The following ALCAM variants were observed in gnomAD, a reference collection of about 807,000 sequenced individuals.
The protein encoded by ALCAM is activated leukocyte cell adhesion molecule.
A neutral mutation model predicts 70.9 loss-of-function variants in ALCAM; 30 were observed. The observed-to-expected ratio is 0.42, with a 90% CI of 0.32 to 0.57. ALCAM has a LOEUF of 0.57. ALCAM is among the 20% of genes least tolerant of loss of function. The pLI is 0.11. For synonymous variants in ALCAM, 249 were observed against 242.5 expected, an observed-to-expected ratio of 1.03 and a Z score of -0.25; for missense variants, 591 against 695.1, an observed-to-expected ratio of 0.85 and a Z score of 1.68.
At chr3:105,374,812 C>T (rs926884390) in intron 1 of ALCAM, among the ~76,000 whole-genome samples, 3 of 152,128 alleles carry the variant, frequency 2.0e-5, no homozygotes, top group South Asian at 2.1e-4. Flanking sequence ...GCCACTGCAC[C>T]GAGCCCAATG....
chr3:105,561,997 A>C (rs1236984678), intron 14 of ALCAM, among the ~76,000 whole-genome samples: 2 of 152,202 alleles, frequency 1.3e-5, no homozygotes, highest in African/African-American at 2.4e-5. Context: ...GGTTGAACTT[A>C]ACCTCCAGCC....
At chr3:105,408,049 A>T (rs1936293760) in intron 1 of ALCAM, among the ~76,000 whole-genome samples, 1 of 152,142 alleles carries the variant, frequency 6.6e-6, no homozygotes, top group African/African-American at 2.4e-5. Flanking sequence ...CACTGCTGAA[A>T]GAAATAATAC....
intron 1 of ALCAM, among the ~76,000 whole-genome samples, chr3:105,484,954 G>A (rs868332907): frequency 6.6e-6 from 1 of 151,656 alleles, no homozygotes; most frequent in South Asian, 2.1e-4. Flanking sequence ...TTTTTTTGGT[G>A]GGGGATAGGA....
intron 1 of ALCAM, among the ~76,000 whole-genome samples, chr3:105,381,087 A>G (rs973499924): frequency 6.6e-6 from 1 of 151,908 alleles, no homozygotes; most frequent in African/African-American, 2.4e-5. Flanking sequence ...AATCTATGCA[A>G]TGGGAATAAT....
chr3:105,503,006 A>G (rs762082901), intron 1 of ALCAM, among the ~76,000 whole-genome samples: 20 of 152,216 alleles, frequency 1.3e-4, no homozygotes, highest in Non-Finnish European at 2.2e-4. Flanking sequence ...ACTTTTTCCA[A>G]TCTCAAATTG....
At chr3:105,390,662 A>C (rs184384027) in intron 1 of ALCAM, among the ~76,000 whole-genome samples, 2 of 152,052 alleles carry the variant, frequency 1.3e-5, no homozygotes, top group African/African-American at 4.8e-5. Flanking sequence ...TTTGTCATGA[A>C]ATCTTTGCCC....
intron 1 of ALCAM, among the ~76,000 whole-genome samples, chr3:105,404,021 C>A (rs1936157006): frequency 6.6e-6 from 1 of 150,672 alleles, no homozygotes; most frequent in African/African-American, 2.4e-5. Flanking sequence ...TTGAATTAAC[C>A]CAATCTGTCA....
At chr3:105,462,621 T>C (rs1180909355) in intron 1 of ALCAM, among the ~76,000 whole-genome samples, 2 of 151,470 alleles carry the variant, frequency 1.3e-5, no homozygotes. Flanking sequence ...GAGTTAATAC[T>C]GGGAAGAAAA....
intron 1 of ALCAM, among the ~76,000 whole-genome samples, chr3:105,408,689 G>A (rs1249830302): frequency 6.6e-6 from 1 of 151,782 alleles, no homozygotes; most frequent in African/African-American, 2.4e-5. Flanking sequence ...CAAAAACAAA[G>A]GTAAATAGTT....
chr3:105,376,088 T>C (rs1935370931), intron 1 of ALCAM, among the ~76,000 whole-genome samples: 1 of 151,990 alleles, frequency 6.6e-6, no homozygotes, highest in Admixed American at 6.6e-5. Context: ...TTTGTGTGTG[T>C]TGGGGGCTGG....
intron 1 of ALCAM, among the ~76,000 whole-genome samples, chr3:105,412,104 T>C (rs934221317): frequency 6.6e-6 from 1 of 152,082 alleles, no homozygotes; most frequent in Non-Finnish European, 1.5e-5. Context: ...TAAAATGCTA[T>C]AAGTAAAACC....
At chr3:105,379,838 T>C (rs776139315) in intron 1 of ALCAM, among the ~76,000 whole-genome samples, 13 of 151,768 alleles carry the variant, frequency 8.6e-5, no homozygotes, top group Non-Finnish European at 1.8e-4. Context: ...CTCTTTCTAT[T>C]CATATAATTC....
chr3:105,467,460 G>A (rs982679324), intron 1 of ALCAM, among the ~76,000 whole-genome samples: 2 of 151,142 alleles, frequency 1.3e-5, no homozygotes, highest in African/African-American at 4.8e-5. Context: ...CTCACTCATG[G>A]AGAATGTGAG....
intron 1 of ALCAM, among the ~76,000 whole-genome samples, chr3:105,419,458 G>A (rs1356756213): frequency 1.3e-5 from 2 of 151,812 alleles, no homozygotes; most frequent in African/African-American, 4.8e-5. Flanking sequence ...GGAAAATGAG[G>A]AAGTACATCA....
intron 1 of ALCAM, among the ~76,000 whole-genome samples, chr3:105,398,470 G>A (rs1193455644): frequency 2.0e-5 from 3 of 151,882 alleles, no homozygotes; most frequent in African/African-American, 4.8e-5. Context: ...CAGTATTATG[G>A]CCTGATTTTC....
chr3:105,368,241 G>GAGAGAGAGAGAGAGAGAC (rs1935126415), intron 1 of ALCAM, among the ~76,000 whole-genome samples: 1 of 149,934 alleles, frequency 6.7e-6, no homozygotes. Flanking sequence ...GAGAGAGAGA[G>GAGAGAGAGAGAGAGAGAC]AGAGAGAGAG....
chr3:105,438,185 T>A (rs1559791519), intron 1 of ALCAM, among the ~76,000 whole-genome samples: 1 of 152,008 alleles, frequency 6.6e-6, no homozygotes, highest in Non-Finnish European at 1.5e-5. Flanking sequence ...TGATGGAGAA[T>A]CCTTAATTTT....
intron 1 of ALCAM, among the ~76,000 whole-genome samples, chr3:105,519,109 AATAGAC>A (rs1283554088): frequency 6.6e-6 from 1 of 152,082 alleles, no homozygotes; most frequent in African/African-American, 2.4e-5. Context: ...GATACACCTT[AATAGAC>A]ATTCAGCTGT....
Position 105,541,649 on chromosome 3 carries a change from T to C in ALCAM, c.875T>C (p.Ile292Thr). The C allele has an allele frequency of 6.2e-7, 1 of 1,611,892 alleles. No individual in the cohort carries two copies. Among genetic ancestry groups the C allele is most frequent in the Middle Eastern group, 1.7e-4 (1 of 6,044 alleles). Residue 292 changes from isoleucine to threonine, a missense_variant, in exon 8 of 16, where the codon ATA (isoleucine) becomes ACA (threonine). Ile to Thr is a moderately conservative substitution (Grantham distance 89). Around this residue, in one of 2 missense-constraint regions of ALCAM, gnomAD observed 427 missense variants for 450.4 expected, o/e 0.95. Coordinates refer to ENST00000306107, the MANE Select transcript of ALCAM (RefSeq NM_001627.4). The stretch of plus-strand genomic sequence containing the variant: ...TATCAAAAGGGACAGCCCGAAGGAA[T>C]AAGAAGCTCAAATACTTACACACTG... ...LFYLPGQPEG[I>T]RSSNTYTLTD...
Sources: allele counts gnomAD v4.1 joint callset (sites outside exome capture counted in the v4.1 genomes callset), GRCh38; gene constraint gnomAD v4.1.1; regional missense constraint gnomAD v4.1.1; transcripts MANE v1.5; gene names NCBI Gene and HGNC (gene_info 2026-07-23, HGNC 2026-07-21).